The following SBNO1 variants were observed in gnomAD, a reference collection of about 807,000 sequenced individuals.
SBNO1 encodes the protein protein strawberry notch homolog 1.
In SBNO1, 23 loss-of-function variants were observed where a neutral mutation model predicts 173.6. The ratio of observed to expected loss-of-function variants is 0.13; its 90% CI spans 0.10 to 0.19. The LOEUF is 0.19. Ranked by LOEUF, SBNO1 falls within the 10% of genes least tolerant of loss-of-function variation. The probability of loss-of-function intolerance (pLI) is 1.00; values close to 1 mark genes in which losing one functional copy is unlikely to be tolerated. For missense variants in SBNO1, 1,238 were observed against 1,671.2 expected (o/e 0.74, Z 4.52); for synonymous variants, 632 against 571.5 (o/e 1.11, Z -1.51).
intron 16 of SBNO1, among the ~76,000 whole-genome samples, chr12:123,322,595 C>T (rs531784979): frequency 7.6e-4 from 116 of 151,964 alleles, no homozygotes; most frequent in Non-Finnish European, 1.3e-3. Flanking sequence ...CTGTGCCCGG[C>T]GAGAAGTCAA....
At chr12:123,353,947 C>G (rs1048505637) in intron 1 of SBNO1, among the ~76,000 whole-genome samples, 2 of 152,176 alleles carry the variant, frequency 1.3e-5, no homozygotes, top group Non-Finnish European at 2.9e-5. Context: ...GCCACAGGAT[C>G]CATCAGTCCA....
In SBNO1 at chr12:123,345,431, G is replaced by A; in HGVS notation, c.377C>T (p.Thr126Ile). ...GACTGACGGGCGTGTGCTTGCAGTA[G>A]TCTGGATAAACTTAGTTAAAGTGAT... ...QTITLTKFIQTTASTRPSVSA... is the reference protein window; with the variant it reads ...QTITLTKFIQITASTRPSVSA... Residue 126 changes from threonine to isoleucine, a missense_variant, in exon 4 of 32, where the codon ACT (threonine) becomes ATT (isoleucine). Physicochemically the swap from Thr to Ile is moderately conservative, Grantham distance 89 (BLOSUM62 -1). This residue lies in a region of SBNO1 where 287 missense variants were observed against 274.1 expected (regional missense o/e 1.05). Transcript: ENST00000602398. 6.2e-7 allele frequency: 1 copy of A among 1,614,202 alleles called. No individual in the cohort carries two copies. Among genetic ancestry groups the A allele is most frequent in the Non-Finnish European group, 8.5e-7 (1 of 1,180,050 alleles).
At chr12:123,317,649 G>A (rs1252414881) in intron 20 of SBNO1, among the ~76,000 whole-genome samples, 1 of 152,130 alleles carries the variant, frequency 6.6e-6, no homozygotes, top group Non-Finnish European at 1.5e-5. Flanking sequence ...CAAGAGTCTG[G>A]AACAGGTATC....
intron 5 of SBNO1, 131 bp downstream of exon 5, chr12:123,340,857 T>G (rs185356890): frequency 3.1e-6 from 2 of 640,416 alleles, no homozygotes; most frequent in Non-Finnish European, 5.4e-6. Flanking sequence ...GCATATCCAT[T>G]AGTTCCCACG....
intron 15 of SBNO1, among the ~76,000 whole-genome samples, 173 bp from the exon 16 acceptor site, chr12:123,324,004 C>A (rs146074560): frequency 6.6e-6 from 1 of 152,070 alleles, no homozygotes; most frequent in Non-Finnish European, 1.5e-5. Context: ...AATAAGAATG[C>A]AAGCCAAACC....
Position 123,291,759 on chromosome 12 carries a change from G to A in SBNO1, c.*4149C>T, listed in dbSNP as rs1172198418. On this transcript the variant is annotated 3_prime_UTR_variant, in exon 32 of 32. Transcript: ENST00000602398. ...AGAATAAATAGAGCTGAAGGGAAGAGGGAAAAGGGAGAAACAGGTGGGCAG... is the reference window on the plus strand; with the variant it reads ...AGAATAAATAGAGCTGAAGGGAAGAAGGAAAAGGGAGAAACAGGTGGGCAG... 2 of 147,494 alleles carry A rather than the reference G, an allele frequency of 1.4e-5. No individual in the cohort carries two copies. Among genetic ancestry groups the A allele is most frequent in the Admixed American group, 6.8e-5 (1 of 14,746 alleles). 9.1% of individuals were successfully genotyped at this position (147,494 alleles called of 1,614,324 possible). A position where few individuals can be genotyped will look rare whatever the true frequency, so the allele number is the denominator to read the frequency against.
chr12:123,298,048 T>C lies in SBNO1; in HGVS notation c.3969A>G (p.Ala1323=), dbSNP rs1593316704. The change falls in exon 31 of 32, where the codon GCA becomes GCG. Residue 1323 remains alanine (A), a synonymous_variant. Transcript: ENST00000602398. The part of the protein sequence containing the change: ...SVWTKVEGVL[A]SVSGTNVKMQ... ...TCTTCACGTTTGTGCCACTGACAGA[T>C]GCTAGAACACCCTCAACTTTTGTCC... 3.1e-6 allele frequency: 5 copies of C among 1,614,078 alleles called. No individual in the cohort carries two copies. The highest frequency in any genetic ancestry group is 4.5e-5 in the East Asian group (2 of 44,866).
In SBNO1 at chr12:123,327,832, A is replaced by C; in HGVS notation, c.1433-20T>G. 1 of 1,608,020 alleles carries C rather than the reference A, an allele frequency of 6.2e-7. No homozygotes were observed. The highest frequency in any genetic ancestry group is 8.5e-7 in the Non-Finnish European group (1 of 1,175,058). The stretch of plus-strand genomic sequence containing the variant: ...AAGCACCTGAAAATCCCACAAATGA[A>C]ATATATTATAGTTGAAAAAATAACC... On this transcript the variant is annotated intron_variant, in intron 11 of 31. Coordinates refer to ENST00000602398, the MANE Select transcript of SBNO1 (RefSeq NM_001167856.3).
Position 123,294,720 on chromosome 12 carries a change from T to C in SBNO1, c.*1188A>G, listed in dbSNP as rs2048567812. The C allele has an allele frequency of 6.1e-6, 1 of 164,218 alleles. No individual in the cohort carries two copies. Among genetic ancestry groups the C allele is most frequent in the African/African-American group, 2.4e-5 (1 of 41,354 alleles). 10.2% of individuals were successfully genotyped at this position (164,218 alleles called of 1,614,324 possible). On this transcript the variant is annotated 3_prime_UTR_variant, in exon 32 of 32. Coordinates refer to ENST00000602398, the MANE Select transcript of SBNO1 (RefSeq NM_001167856.3). ...ATAAAAAGACCAACTGTCCCCTCAC[T>C]TGTTTTTATAAACATCTATTATAGG... is the stretch of plus-strand genomic sequence containing the variant.
chr12:123,330,766 T>C (rs991018583), intron 8 of SBNO1, among the ~76,000 whole-genome samples: 1 of 151,920 alleles, frequency 6.6e-6, no homozygotes, highest in Non-Finnish European at 1.5e-5. Context: ...GAAGAGCCCG[T>C]ATCTACAAAA....
chr12:123,349,411 C>A (rs565567541), intron 2 of SBNO1, among the ~76,000 whole-genome samples: 83 of 150,178 alleles, frequency 5.5e-4, no homozygotes, highest in African/African-American at 1.8e-3. Context: ...CAGAATCTTA[C>A]GTTTTTGCTT....
chr12:123,313,506 T>C, intron 24 of SBNO1, 114 bp downstream of exon 24: 2 of 600,250 alleles, frequency 3.3e-6, no homozygotes, highest in African/African-American at 1.8e-5. Context: ...TTTCAAAGTT[T>C]TATACAATTT....
intron 28 of SBNO1, among the ~76,000 whole-genome samples, chr12:123,307,608 T>A (rs1009268974): frequency 2.0e-5 from 3 of 152,036 alleles, no homozygotes; most frequent in Admixed American, 6.6e-5. Flanking sequence ...ATACAACCAA[T>A]GAAATATTAC....
chr12:123,360,735 A>G (rs1241375067), intron 1 of SBNO1, among the ~76,000 whole-genome samples: 3 of 151,960 alleles, frequency 2.0e-5, no homozygotes, highest in African/African-American at 7.2e-5. Flanking sequence ...TGCACCACCA[A>G]GCTTGGCCGA....
At chr12:123,362,115 G>A (rs1875317383) in intron 1 of SBNO1, among the ~76,000 whole-genome samples, 1 of 150,620 alleles carries the variant, frequency 6.6e-6, no homozygotes, top group Admixed American at 6.7e-5. Context: ...ACTCCAGCCT[G>A]GGCGAGAGAG....
intron 28 of SBNO1, among the ~76,000 whole-genome samples, chr12:123,306,273 C>T (rs972248902): frequency 3.9e-5 from 6 of 152,210 alleles, no homozygotes; most frequent in African/African-American, 1.4e-4. Context: ...GTTAATTATA[C>T]ATCATCACAG....
intron 13 of SBNO1, 72 bp downstream of exon 13, chr12:123,327,354 C>T (rs1167564954): frequency 7.7e-7 from 1 of 1,304,756 alleles, no homozygotes; most frequent in African/African-American, 1.5e-5. Flanking sequence ...GGAGGCATCG[C>T]AATCGCCAAA....
intron 15 of SBNO1, among the ~76,000 whole-genome samples, chr12:123,324,324 CTTTTT>C (rs61618485): frequency 7.7e-5 from 9 of 117,544 alleles, no homozygotes; most frequent in Non-Finnish European, 9.0e-5. Context: ...TTGCTTTTTT[CTTTTT>C]TTTTTTTTTT....
rs1290222391 is a variant in SBNO1, at chr12:123,351,604, A to T, written c.1-1163T>A. ...ACTCCAGCCTGGGTTACAGAGTAAG[A>T]CCCCCAACTCAACTCAGTAAAGATA... On this transcript the variant is annotated intron_variant, in intron 1 of 31. Coordinates refer to ENST00000602398, the MANE Select transcript of SBNO1 (RefSeq NM_001167856.3). Among the ~76,000 whole-genome samples the T allele has an allele frequency of 5.3e-5, 8 of 152,062 alleles. 1 individual carries two copies. In the South Asian group the frequency reaches 1.5e-3, roughly 28 times the overall value.
Sources: allele counts gnomAD v4.1 joint callset (sites outside exome capture counted in the v4.1 genomes callset), GRCh38; gene constraint gnomAD v4.1.1; regional missense constraint gnomAD v4.1.1; transcripts MANE v1.5; gene names NCBI Gene and HGNC (gene_info 2026-07-23, HGNC 2026-07-21).